Variants in ZMIZ1 observed in about 807,000 individuals in gnomAD.
ZMIZ1 encodes zinc finger MIZ-type containing 1.
Under a neutral mutation model 113.9 loss-of-function variants are expected in ZMIZ1, and 17 were observed. That is an observed-to-expected ratio of 0.15 (90% CI 0.10 to 0.22). The LOEUF (loss-of-function observed/expected upper bound fraction) is 0.22, where lower values mean the gene tolerates loss of function less well. Ranked by LOEUF, ZMIZ1 falls within the 10% of genes least tolerant of loss-of-function variation. ZMIZ1 has a pLI of 1.00. For synonymous variants in ZMIZ1, 607 were observed against 603.1 expected (o/e 1.01, Z -0.09); for missense variants, 1,059 against 1,477.8 (o/e 0.72, Z 4.65).
At chr10:79,085,885 G>A (rs1288141782) in intron 1 of ZMIZ1, among the ~76,000 whole-genome samples, 2 of 152,162 alleles carry the variant, frequency 1.3e-5, no homozygotes, top group Admixed American at 1.3e-4. Context: ...TAGGGTTGGA[G>A]TTGGATGAAA....
At chr10:79,214,588 A>G (rs1278035719) in intron 6 of ZMIZ1, among the ~76,000 whole-genome samples, 1 of 152,172 alleles carries the variant, frequency 6.6e-6, no homozygotes, top group Non-Finnish European at 1.5e-5. Context: ...CCTGAGATTT[A>G]AGGCAGGCGT....
At chr10:79,308,267 T>C (rs1854869149) in intron 23 of ZMIZ1, among the ~76,000 whole-genome samples, 1 of 152,174 alleles carries the variant, frequency 6.6e-6, no homozygotes, top group South Asian at 2.1e-4. Flanking sequence ...GCGCAGGCCA[T>C]GTGACAGGTG....
chr10:79,137,896 C>T (rs1031619658), intron 2 of ZMIZ1, among the ~76,000 whole-genome samples: 2 of 152,122 alleles, frequency 1.3e-5, no homozygotes, highest in African/African-American at 4.8e-5. Flanking sequence ...GCCTCTCGGC[C>T]CGGGCTCTGA....
chr10:79,106,128 C>G (rs1439045762), intron 1 of ZMIZ1, among the ~76,000 whole-genome samples: 1 of 152,214 alleles, frequency 6.6e-6, no homozygotes, highest in Admixed American at 6.5e-5. Context: ...TGTAGCAAAA[C>G]CAAATCCCCC....
intron 12 of ZMIZ1, chr10:79,295,319 G>C (rs747024757): frequency 2.0e-5 from 3 of 152,222 alleles, no homozygotes; most frequent in East Asian, 1.9e-4. Context: ...CACACCAAAG[G>C]CTCTCCATAT....
At chr10:79,278,988 GCTC>G (rs560441452) in intron 8 of ZMIZ1, among the ~76,000 whole-genome samples, 157 of 150,898 alleles carry the variant, frequency 1.0e-3, no homozygotes, top group African/African-American at 3.6e-3. Flanking sequence ...GGGCAGAGGG[GCTC>G]CTCACTTCCC....
chr10:79,216,078 T>G, intron 6 of ZMIZ1, 91 bp from the exon 7 acceptor site: 1 of 853,168 alleles, frequency 1.2e-6, no homozygotes, highest in East Asian at 3.2e-5. Context: ...TGCCTTAGCT[T>G]GCCCACCTCA....
chr10:79,096,562 C>T (rs752670612), intron 1 of ZMIZ1, among the ~76,000 whole-genome samples: 3 of 151,518 alleles, frequency 2.0e-5, no homozygotes, highest in Admixed American at 6.6e-5. Context: ...AAAGAACCTC[C>T]AGCACGTGGA....
At chr10:79,285,990 C>T (rs1374290277) in intron 8 of ZMIZ1, among the ~76,000 whole-genome samples, 1 of 152,188 alleles carries the variant, frequency 6.6e-6, no homozygotes, top group Non-Finnish European at 1.5e-5. Flanking sequence ...TGGCTTCTGG[C>T]CTTGGTGCTT....
intron 1 of ZMIZ1, among the ~76,000 whole-genome samples, chr10:79,098,033 TC>T (rs1843232444): frequency 6.6e-6 from 1 of 152,212 alleles, no homozygotes; most frequent in African/African-American, 2.4e-5. Context: ...CACTGGGCCC[TC>T]GGAGGCCTTT....
chr10:79,294,278 G>A (rs187292542), intron 12 of ZMIZ1: 1 of 157,286 alleles, frequency 6.4e-6, no homozygotes, highest in Non-Finnish European at 1.4e-5. Flanking sequence ...GAAGTGACTG[G>A]AAGGCAGACA....
chr10:79,296,897 C>T lies in ZMIZ1; in HGVS notation c.1413+244C>T, dbSNP rs1468858525. 2 of 393,800 alleles carry T rather than the reference C, an allele frequency of 5.1e-6. No homozygotes were observed. The highest frequency in any genetic ancestry group is 9.0e-6 in the Non-Finnish European group (2 of 223,008). 24.4% of individuals were successfully genotyped at this position (393,800 alleles called of 1,614,324 possible). Reference sequence around the variant, plus strand: ...GGTTTTTTTTTCTCCTTTTCTTATTCACGGCACTCACAAAATAATAAAGGA... The same window carrying T: ...GGTTTTTTTTTCTCCTTTTCTTATTTACGGCACTCACAAAATAATAAAGGA... On this transcript the variant is annotated intron_variant, in intron 13 of 24. Transcript: ENST00000334512. The surrounding 1 kb of genome is among the most constrained non-coding windows in gnomAD (Gnocchi z 4.1).
At chr10:79,082,044 C>T (rs1019788077) in intron 1 of ZMIZ1, among the ~76,000 whole-genome samples, 5 of 152,262 alleles carry the variant, frequency 3.3e-5, no homozygotes, top group African/African-American at 1.2e-4. Context: ...CAGTGCCCAG[C>T]CCTGCCTGTT....
At chr10:79,176,905 G>A (rs1230839228) in intron 4 of ZMIZ1, among the ~76,000 whole-genome samples, 1 of 152,234 alleles carries the variant, frequency 6.6e-6, no homozygotes, top group Non-Finnish European at 1.5e-5. Context: ...AGCTCCAGGA[G>A]GCCAGGGATT....
At chr10:79,283,907 C>T (rs1371117778) in intron 8 of ZMIZ1, among the ~76,000 whole-genome samples, 1 of 152,228 alleles carries the variant, frequency 6.6e-6, no homozygotes, top group African/African-American at 2.4e-5. Flanking sequence ...TCCTCACTGG[C>T]TTGGCATTTC....
At chr10:79,247,281 C>T (rs1295388770) in intron 7 of ZMIZ1, among the ~76,000 whole-genome samples, 1 of 152,182 alleles carries the variant, frequency 6.6e-6, no homozygotes, top group Non-Finnish European at 1.5e-5. Context: ...TGGTCAGGGG[C>T]GGGGCACTGA....
chr10:79,083,668 A>AG (rs1842726632), intron 1 of ZMIZ1, among the ~76,000 whole-genome samples: 1 of 152,232 alleles, frequency 6.6e-6, no homozygotes, highest in African/African-American at 2.4e-5. Flanking sequence ...ACAGGAACCC[A>AG]GGAAAGGATG....
chr10:79,101,346 T>C (rs1843357752), intron 1 of ZMIZ1, among the ~76,000 whole-genome samples: 2 of 152,038 alleles, frequency 1.3e-5, no homozygotes, highest in African/African-American at 4.8e-5. Context: ...GAAAAACATC[T>C]GAGGCAGAGG....
At chr10:79,197,646 G>C (rs1352012934) in intron 4 of ZMIZ1, among the ~76,000 whole-genome samples, 3 of 123,802 alleles carry the variant, frequency 2.4e-5, no homozygotes, top group South Asian at 2.7e-4. Flanking sequence ...ACACACACCT[G>C]TACCCTGTCC....
Sources: allele counts gnomAD v4.1 joint callset (sites outside exome capture counted in the v4.1 genomes callset), GRCh38; gene constraint gnomAD v4.1.1; non-coding constraint Gnocchi (gnomAD v3.1); transcripts MANE v1.5; gene names NCBI Gene and HGNC (gene_info 2026-07-23, HGNC 2026-07-21).